Variants in CCSER1 observed in about 807,000 individuals in gnomAD.
CCSER1 encodes the protein serine-rich coiled-coil domain-containing protein 1.
CCSER1 carries 41 observed loss-of-function variants against 82.0 expected under a neutral mutation model. The ratio of observed to expected loss-of-function variants is 0.50; its 90% CI spans 0.39 to 0.65. The LOEUF (loss-of-function observed/expected upper bound fraction) is 0.65, where lower values mean the gene tolerates loss of function less well. Among genes scored for constraint, CCSER1 ranks in the 30% least tolerant of loss-of-function variants. The pLI is 0.00. For synonymous variants in CCSER1, 414 were observed against 383.9 expected, an observed-to-expected ratio of 1.08 and a Z score of -0.92; for missense variants, 1,119 against 1,064.2, an observed-to-expected ratio of 1.05 and a Z score of -0.72.
chr4:90,655,559 C>T (rs540454045), intron 6 of CCSER1, among the ~76,000 whole-genome samples: 1 of 152,124 alleles, frequency 6.6e-6, no homozygotes, highest in East Asian at 1.9e-4. Flanking sequence ...TGCTCTCTTT[C>T]TCTCTCTTAC....
chr4:90,635,978 A>T (rs1362455025), intron 6 of CCSER1, among the ~76,000 whole-genome samples: 1 of 151,912 alleles, frequency 6.6e-6, no homozygotes, highest in Non-Finnish European at 1.5e-5. Context: ...ATAATAAAGA[A>T]CAAAACTCTA....
chr4:91,219,598 C>T (rs1215546323), intron 10 of CCSER1, among the ~76,000 whole-genome samples: 1 of 152,082 alleles, frequency 6.6e-6, no homozygotes, highest in Non-Finnish European at 1.5e-5. Flanking sequence ...CCACCATGCC[C>T]AGCCCAGTTT....
chr4:90,791,642 A>G (rs994451196), intron 7 of CCSER1, among the ~76,000 whole-genome samples: 5 of 152,144 alleles, frequency 3.3e-5, no homozygotes, highest in South Asian at 2.1e-4. Flanking sequence ...CGAGGTCAGG[A>G]GATCAAGACC....
At chr4:91,114,184 G>A (rs1359472298) in intron 10 of CCSER1, among the ~76,000 whole-genome samples, 1 of 152,128 alleles carries the variant, frequency 6.6e-6, no homozygotes, top group Non-Finnish European at 1.5e-5. Context: ...TTGTTAATTA[G>A]TGATGGACAT....
chr4:90,512,369 A>T lies in CCSER1; in HGVS notation c.1724+44015A>T, dbSNP rs150465510. Among the ~76,000 whole-genome samples, 93 of 149,958 alleles carry T rather than the reference A, an allele frequency of 6.2e-4. No homozygotes were observed. In the East Asian group the frequency reaches 0.017, roughly 28 times the overall value. On this transcript the variant is annotated intron_variant, in intron 5 of 10. Transcript: ENST00000509176. The stretch of plus-strand genomic sequence containing the variant: ...TCCTTTTGAAAATCAAATGGTTTAT[A>T]AATTCTTTGATTTTATCAATACTGA...
At chr4:90,562,852 TA>T (rs200689531) in intron 5 of CCSER1, among the ~76,000 whole-genome samples, 3,400 of 137,246 alleles carry the variant, frequency 0.025, 110 homozygotes, top group African/African-American at 0.078. Context: ...TTTTTTTTTT[TA>T]AAAAAAAAAA....
At chr4:91,331,506 G>A (rs1275421955) in intron 10 of CCSER1, among the ~76,000 whole-genome samples, 1 of 151,938 alleles carries the variant, frequency 6.6e-6, no homozygotes, top group Non-Finnish European at 1.5e-5. Context: ...CCTTCCTGAC[G>A]CTTGCCTGCT....
At chr4:90,666,441 A>C (rs1214959604) in intron 6 of CCSER1, among the ~76,000 whole-genome samples, 2 of 152,180 alleles carry the variant, frequency 1.3e-5, no homozygotes, top group Non-Finnish European at 2.9e-5. Context: ...TTTAGCCTGT[A>C]TATTTTGGCA....
At chr4:90,278,968 A>G in intron 1 of CCSER1, among the ~76,000 whole-genome samples, 1 of 152,108 alleles carries the variant, frequency 6.6e-6, no homozygotes, top group East Asian at 1.9e-4. Context: ...GCGTAGGTTT[A>G]TACCTGGGAA....
intron 3 of CCSER1, among the ~76,000 whole-genome samples, chr4:90,397,980 A>G (rs1752265719): frequency 6.6e-6 from 1 of 152,198 alleles, no homozygotes; most frequent in African/African-American, 2.4e-5. Context: ...ACAAAATACT[A>G]CAGACTGGGT....
rs987284813 is a variant in CCSER1 at position 90,343,340 on chromosome 4, A to G, written c.1509+30293A>G. ...CATTATTTATCACCTAGGTGATTGCAGTAGCCTTAAAACTAGACTCTAGGC... is the reference window on the plus strand; with the variant it reads ...CATTATTTATCACCTAGGTGATTGCGGTAGCCTTAAAACTAGACTCTAGGC... On this transcript the variant is annotated intron_variant, in intron 3 of 10. Transcript: ENST00000509176. Among the ~76,000 whole-genome samples, 13 of 152,324 alleles carry G rather than the reference A, an allele frequency of 8.5e-5. No individual in the cohort carries two copies. In the East Asian group the frequency reaches 2.5e-3, roughly 29 times the overall value.
At chr4:90,859,307 A>G (rs1764800324) in intron 8 of CCSER1, among the ~76,000 whole-genome samples, 1 of 151,890 alleles carries the variant, frequency 6.6e-6, no homozygotes. Flanking sequence ...TGTGGAAAAA[A>G]TGTTATTGTC....
At chr4:90,634,269 A>T (rs1725026378) in intron 6 of CCSER1, among the ~76,000 whole-genome samples, 1 of 151,762 alleles carries the variant, frequency 6.6e-6, no homozygotes, top group African/African-American at 2.4e-5. Context: ...CATATAGTTG[A>T]TGCAAATATT....
chr4:90,630,572 C>A (rs1310771936), intron 6 of CCSER1, among the ~76,000 whole-genome samples: 3 of 151,994 alleles, frequency 2.0e-5, no homozygotes, highest in Admixed American at 6.6e-5. Context: ...TATGTTTGTG[C>A]AGCCCATTCA....
At chr4:90,739,708 C>G (rs1200743797) in intron 7 of CCSER1, among the ~76,000 whole-genome samples, 1 of 152,206 alleles carries the variant, frequency 6.6e-6, no homozygotes, top group Non-Finnish European at 1.5e-5. Context: ...CAACTGAGCT[C>G]TGCCCTGAGT....
chr4:91,086,015 G>A (rs1379290562), intron 10 of CCSER1, 21 bp downstream of exon 10: 2 of 1,449,070 alleles, frequency 1.4e-6, no homozygotes, highest in South Asian at 1.2e-5. Context: ...TTAAAGAAGA[G>A]GGGTGGGAAA....
intron 5 of CCSER1, among the ~76,000 whole-genome samples, chr4:90,530,021 C>G (rs1461483263): frequency 6.6e-6 from 1 of 151,232 alleles, no homozygotes; most frequent in Non-Finnish European, 1.5e-5. Flanking sequence ...CTTTAATATG[C>G]ATGGGGATAT....
chr4:90,361,453 C>G (rs1172069686), intron 3 of CCSER1, among the ~76,000 whole-genome samples: 1 of 152,168 alleles, frequency 6.6e-6, no homozygotes, highest in Non-Finnish European at 1.5e-5. Flanking sequence ...CCAAATTGGA[C>G]AAGAAGGCCT....
At chr4:91,047,927 CAT>C (rs1437691823) in intron 9 of CCSER1, among the ~76,000 whole-genome samples, 2 of 151,904 alleles carry the variant, frequency 1.3e-5, no homozygotes, top group African/African-American at 4.8e-5. Context: ...TAGCAATAAA[CAT>C]GTATGTGTTA....
Sources: gnomAD v4.1 joint callset for allele counts (sites outside exome capture counted in the v4.1 genomes callset) on GRCh38, gnomAD v4.1.1 for gene constraint, MANE v1.5 for transcripts, NCBI Gene and HGNC (gene_info 2026-07-23, HGNC 2026-07-21) for gene names.